The following MEIOB variants were observed in gnomAD, a reference collection of about 807,000 sequenced individuals.
MEIOB encodes the protein meiosis-specific with OB domain-containing protein.
Under a neutral mutation model 53.1 loss-of-function variants are expected in MEIOB, and 50 were observed. The ratio of observed to expected loss-of-function variants is 0.94; its 90% CI spans 0.75 to 1.19. The LOEUF (loss-of-function observed/expected upper bound fraction) is 1.19. MEIOB is among the 50% of genes most tolerant of loss of function. The pLI, the probability that MEIOB is intolerant of heterozygous loss-of-function variation, is 0.00. For missense variants in MEIOB, 551 were observed against 550.8 expected (o/e 1.00, Z 0.00); for synonymous variants, 192 against 182.5 (o/e 1.05, Z -0.42).
At chr16:1,867,461 AATTTTT>A (rs1567282640) in intron 2 of MEIOB, among the ~76,000 whole-genome samples, 10 of 123,070 alleles carry the variant, frequency 8.1e-5, no homozygotes, top group African/African-American at 3.2e-4. Flanking sequence ...AAAATGGTTT[AATTTTT>A]TTTTTTTTTT....
At chr16:1,851,767 T>C (rs1342860040) in intron 9 of MEIOB, among the ~76,000 whole-genome samples, 1 of 152,210 alleles carries the variant, frequency 6.6e-6, no homozygotes, top group African/African-American at 2.4e-5. Flanking sequence ...CACATTGCTT[T>C]ATAATTCTGT....
intron 12 of MEIOB, chr16:1,838,082 G>T: frequency 1.2e-6 from 1 of 855,768 alleles, no homozygotes; most frequent in Non-Finnish European, 1.8e-6. Flanking sequence ...CTGCAGCCTC[G>T]AACTCCCGGG....
intron 1 of MEIOB, among the ~76,000 whole-genome samples, chr16:1,868,970 A>C (rs1899663584): frequency 6.6e-6 from 1 of 152,138 alleles, no homozygotes; most frequent in Non-Finnish European, 1.5e-5. Context: ...GATTAAACCT[A>C]TAAAAAACAT....
At chr16:1,835,280 T>A (rs902484187) in intron 13 of MEIOB, among the ~76,000 whole-genome samples, 1 of 151,308 alleles carries the variant, frequency 6.6e-6, no homozygotes, top group South Asian at 2.1e-4. Flanking sequence ...AAAAAAAGTA[T>A]AACATATGAA....
intron 9 of MEIOB, among the ~76,000 whole-genome samples, chr16:1,850,323 A>G (rs775400410): frequency 6.6e-6 from 1 of 152,232 alleles, no homozygotes; most frequent in Non-Finnish European, 1.5e-5. Context: ...TCATGCCTGT[A>G]ATCCCAGCAC....
At chr16:1,845,010 T>G in intron 9 of MEIOB, 47 bp from the exon 10 acceptor site, 1 of 831,598 alleles carries the variant, frequency 1.2e-6, no homozygotes, top group Non-Finnish European at 2.0e-6. Flanking sequence ...TGATTATCAT[T>G]TAAATCACAT....
chr16:1,865,084 GA>G (rs1899549985), intron 3 of MEIOB, among the ~76,000 whole-genome samples: 1 of 152,084 alleles, frequency 6.6e-6, no homozygotes, highest in Non-Finnish European at 1.5e-5. Context: ...AGGAGTTTGA[GA>G]CCAGCCTGGG....
At chr16:1,835,776 A>G in intron 13 of MEIOB, among the ~76,000 whole-genome samples, 1 of 152,156 alleles carries the variant, frequency 6.6e-6, no homozygotes, top group Non-Finnish European at 1.5e-5. Flanking sequence ...TCTGCCCTAT[A>G]GAGGAGCCCA....
chr16:1,868,705 A>G (rs1458422418), intron 1 of MEIOB, among the ~76,000 whole-genome samples: 2 of 151,542 alleles, frequency 1.3e-5, no homozygotes, highest in African/African-American at 4.9e-5. Flanking sequence ...AATACAAAAA[A>G]TTAGCTGGGC....
At chr16:1,853,521 T>C (rs1899223273) in intron 7 of MEIOB, among the ~76,000 whole-genome samples, 1 of 152,222 alleles carries the variant, frequency 6.6e-6, no homozygotes, top group Non-Finnish European at 1.5e-5. Flanking sequence ...TAATTTATTT[T>C]TCCAACACTT....
At chr16:1,854,821 T>G (rs1032843386) in intron 6 of MEIOB, among the ~76,000 whole-genome samples, 1 of 150,938 alleles carries the variant, frequency 6.6e-6, no homozygotes, top group Non-Finnish European at 1.5e-5. Context: ...CTCTTGCCCA[T>G]TAAAGCAAGT....
chr16:1,844,959 TA>T lies in MEIOB; in HGVS notation c.782del (p.Ile261AsnfsTer8), dbSNP rs1469500912. Reference protein sequence around the residue: ...SKTIITTNPDIPEANILLNFI... With the variant: ...SKTIITTNPDXPEANILLNFI... ...AATTCAGCAGAATGTTAGCTTCTGG[TA>T]TATCTTAAATTGAAAATGCATAATA... is the stretch of plus-strand genomic sequence containing the variant. On this transcript the variant is annotated frameshift_variant, in exon 10 of 14. Coordinates refer to ENST00000325962, the MANE Select transcript of MEIOB (RefSeq NM_001163560.3). LOFTEE classifies it high-confidence loss of function. The T allele has an allele frequency of 1.4e-6, 2 of 1,456,894 alleles. No individual in the cohort carries two copies. The highest frequency in any genetic ancestry group is 1.9e-6 in the Non-Finnish European group (2 of 1,049,952). The allele number at this position is 1,456,894 out of a possible 1,614,324, so 90.2% of individuals were successfully genotyped here.
rs1898681816 is a variant in MEIOB at position 1,834,350 on chromosome 16, C to G, written c.1322G>C (p.Arg441Thr). 3 of 1,605,774 alleles carry G rather than the reference C, an allele frequency of 1.9e-6. No homozygotes were observed. Among genetic ancestry groups the G allele is most frequent in the African/African-American group, 1.3e-5 (1 of 74,754 alleles). Reference protein sequence around the residue: ...KIYLKFVLSHRARSGLKISVL... With the variant: ...KIYLKFVLSHTARSGLKISVL... Reference sequence around the variant, plus strand: ...ACTAATTTTCAATCCACTCCTTGCTCTGTGTGATAGAACGAACTGCGAGGA... The same window carrying G: ...ACTAATTTTCAATCCACTCCTTGCTGTGTGTGATAGAACGAACTGCGAGGA... The change falls in exon 14 of 14, where the codon AGA becomes ACA. Residue 441 changes from arginine (R) to threonine (T), a missense_variant. By Grantham distance (71) the Arg-to-Thr change is moderately conservative (BLOSUM62 -1). Transcript: ENST00000325962.
chr16:1,844,826 T>C, intron 10 of MEIOB, 36 bp downstream of exon 10: 1 of 1,223,248 alleles, frequency 8.2e-7, no homozygotes, highest in Non-Finnish European at 1.2e-6. Context: ...ATTTCGGCCT[T>C]TAAAAAAATC....
At chr16:1,855,813 T>C (rs1194686810) in intron 6 of MEIOB, among the ~76,000 whole-genome samples, 2 of 152,206 alleles carry the variant, frequency 1.3e-5, no homozygotes, top group African/African-American at 4.8e-5. Flanking sequence ...GTGGCAGGCA[T>C]GTCCTCCACA....
chr16:1,861,142 C>A (rs2754188), intron 4 of MEIOB, among the ~76,000 whole-genome samples: 125,510 of 152,104 alleles, frequency 0.83, 51,906 homozygotes, highest in Middle Eastern at 0.9. Context: ...TGATGTAAGT[C>A]AATGTTGGAA....
chr16:1,834,279 A>G lies in MEIOB; in HGVS notation c.1393T>C (p.Leu465=), dbSNP rs369169774. Residue 465 remains leucine, a synonymous_variant, in exon 14 of 14, where the codon TTG becomes CTG. Coordinates refer to ENST00000325962, the MANE Select transcript of MEIOB (RefSeq NM_001163560.3). ...LADPTEASRN[L]SGQKHV is the part of the protein sequence containing the mutation. The stretch of plus-strand genomic sequence containing the variant: ...TTTTAAACATGTTTTTGTCCAGACA[A>G]GTTTCTGCTTGCCTCAGTAGGATCT... The G allele has an allele frequency of 1.2e-6, 2 of 1,607,562 alleles. No individual in the cohort carries two copies. The highest frequency in any genetic ancestry group is 2.7e-5 in the African/African-American group (2 of 74,804).
intron 6 of MEIOB, among the ~76,000 whole-genome samples, chr16:1,856,089 G>A (rs1178341512): frequency 6.6e-6 from 1 of 151,710 alleles, no homozygotes; most frequent in Non-Finnish European, 1.5e-5. Flanking sequence ...CTGTCTCCTG[G>A]GTTCAAGTAA....
chr16:1,859,852 T>C (rs1049691141), intron 5 of MEIOB, among the ~76,000 whole-genome samples: 74 of 151,844 alleles, frequency 4.9e-4, no homozygotes, highest in African/African-American at 1.6e-3. Context: ...GTTTGGGGAG[T>C]GGATGGACTA....
Sources: allele counts gnomAD v4.1 joint callset (sites outside exome capture counted in the v4.1 genomes callset), GRCh38; gene constraint gnomAD v4.1.1; transcripts MANE v1.5; gene names NCBI Gene and HGNC (gene_info 2026-07-23, HGNC 2026-07-21).